Variants in HNF4G observed in about 807,000 individuals in gnomAD.
HNF4G encodes the protein hepatocyte nuclear factor 4-gamma.
HNF4G carries 21 observed loss-of-function variants against 50.9 expected under a neutral mutation model. The observed-to-expected ratio is 0.41, with a 90% confidence interval of 0.29 to 0.59. The LOEUF is 0.59. Ranked by LOEUF, HNF4G falls within the 20% of genes least tolerant of loss-of-function variation. The pLI is 0.26. For missense variants in HNF4G, 527 were observed against 559.4 expected, an observed-to-expected ratio of 0.94 and a Z score of 0.58; for synonymous variants, 198 against 185.6, an observed-to-expected ratio of 1.07 and a Z score of -0.54.
intron 2 of HNF4G, among the ~76,000 whole-genome samples, chr8:75,518,073 G>T (rs894207748): frequency 6.6e-6 from 1 of 150,766 alleles, no homozygotes; most frequent in Non-Finnish European, 1.5e-5. Flanking sequence ...ATGCCATGTT[G>T]GTGTGCTGCA....
intron 1 of HNF4G, among the ~76,000 whole-genome samples, chr8:75,435,757 C>A (rs141380620): frequency 0.017 from 2,626 of 152,154 alleles, 82 homozygotes; most frequent in African/African-American, 0.058. Context: ...CCACACCCAG[C>A]TAATTTTTGT....
At chr8:75,524,028 T>C (rs577371301) in intron 2 of HNF4G, among the ~76,000 whole-genome samples, 37 of 53,688 alleles carry the variant, frequency 6.9e-4, no homozygotes, top group African/African-American at 2.7e-3. Context: ...TATATACTTA[T>C]TATATAGATA....
intron 2 of HNF4G, among the ~76,000 whole-genome samples, chr8:75,510,743 G>T (rs746614006): frequency 6.6e-6 from 1 of 151,976 alleles, no homozygotes; most frequent in African/African-American, 2.4e-5. Flanking sequence ...TGATGTTTGC[G>T]CAACAATGAA....
intron 6 of HNF4G, 41 bp from the exon 7 acceptor site, chr8:75,558,477 T>A (rs756879580): frequency 6.4e-7 from 1 of 1,571,948 alleles, no homozygotes; most frequent in Non-Finnish European, 8.7e-7. Context: ...GGGAGACAGG[T>A]GGTTATTTTG....
chr8:75,531,040 C>T (rs1281036385), intron 2 of HNF4G, among the ~76,000 whole-genome samples: 3 of 151,986 alleles, frequency 2.0e-5, no homozygotes, highest in East Asian at 1.9e-4. Flanking sequence ...GTGATCCATC[C>T]GCCTTGGCCT....
chr8:75,415,504 T>C (rs944989370), intron 1 of HNF4G, among the ~76,000 whole-genome samples: 4 of 152,220 alleles, frequency 2.6e-5, no homozygotes, highest in Admixed American at 1.3e-4. Flanking sequence ...GTAGCCTGAA[T>C]ATAAAGACTT....
intron 1 of HNF4G, 26 bp from the exon 2 acceptor site, chr8:75,543,785 C>A: frequency 6.3e-7 from 1 of 1,591,940 alleles, no homozygotes; most frequent in Non-Finnish European, 8.6e-7. Context: ...CTAACTCTAA[C>A]TGTAATCTTC....
intron 1 of HNF4G, among the ~76,000 whole-genome samples, chr8:75,440,256 G>A (rs1811246006): frequency 6.6e-6 from 1 of 152,136 alleles, no homozygotes; most frequent in South Asian, 2.1e-4. Flanking sequence ...AGCTGTATTT[G>A]TTCTGTGAGT....
At chr8:75,475,870 G>A (rs13258152) in intron 1 of HNF4G, among the ~76,000 whole-genome samples, 54,227 of 151,928 alleles carry the variant, frequency 0.36, 10,919 homozygotes, top group African/African-American at 0.56. Flanking sequence ...ATTTGTATGC[G>A]ACAATAACGT....
chr8:75,448,841 T>C (rs1439834973), intron 1 of HNF4G, among the ~76,000 whole-genome samples: 1 of 152,060 alleles, frequency 6.6e-6, no homozygotes, highest in Admixed American at 6.6e-5. Flanking sequence ...TAGGACTATA[T>C]CAGAATTATA....
chr8:75,494,580 CAT>C (rs1013955663), intron 2 of HNF4G, among the ~76,000 whole-genome samples: 1 of 151,984 alleles, frequency 6.6e-6, no homozygotes, highest in African/African-American at 2.4e-5. Flanking sequence ...TATTATGAAT[CAT>C]GTGCATTTAG....
At chr8:75,447,582 A>G (rs947609211) in intron 1 of HNF4G, among the ~76,000 whole-genome samples, 1 of 151,188 alleles carries the variant, frequency 6.6e-6, no homozygotes, top group African/African-American at 2.4e-5. Flanking sequence ...AAACAAATTT[A>G]CAAGAAAAAA....
At chr8:75,553,592 A>C (rs1417899888) in intron 5 of HNF4G, among the ~76,000 whole-genome samples, 1 of 150,568 alleles carries the variant, frequency 6.6e-6, no homozygotes, top group Non-Finnish European at 1.5e-5. Context: ...GCTATATAAA[A>C]CTCCTCAGAA....
At chr8:75,534,608 A>G (rs962212652) in intron 2 of HNF4G, among the ~76,000 whole-genome samples, 1 of 151,930 alleles carries the variant, frequency 6.6e-6, no homozygotes, top group Non-Finnish European at 1.5e-5. Context: ...AAATAAATAT[A>G]AATAGTTCAG....
chr8:75,540,851 ATGTG>A (rs56799230), intron 1 of HNF4G, among the ~76,000 whole-genome samples: 82 of 146,466 alleles, frequency 5.6e-4, no homozygotes, highest in South Asian at 1.3e-3. Flanking sequence ...GAAAATGTGT[ATGTG>A]TGTGTGTGTG....
intron 1 of HNF4G, among the ~76,000 whole-genome samples, chr8:75,488,407 G>A (rs986749838): frequency 4.6e-5 from 7 of 151,972 alleles, no homozygotes; most frequent in South Asian, 2.1e-4. Context: ...CTGAGTTGCC[G>A]GGACTACAGG....
At chr8:75,529,553 C>G (rs1180539101) in intron 2 of HNF4G, among the ~76,000 whole-genome samples, 1 of 152,074 alleles carries the variant, frequency 6.6e-6, no homozygotes, top group African/African-American at 2.4e-5. Flanking sequence ...GGTAGGGTAC[C>G]ATTTTCTATG....
At chr8:75,426,863 G>C (rs946212514) in intron 1 of HNF4G, among the ~76,000 whole-genome samples, 2 of 152,248 alleles carry the variant, frequency 1.3e-5, no homozygotes, top group Non-Finnish European at 2.9e-5. Context: ...TATTACAGTC[G>C]CTTGTTAAAA....
At chr8:75,540,845 A>ATGAGTATG (rs1806598692) in intron 1 of HNF4G, among the ~76,000 whole-genome samples, 2 of 93,258 alleles carry the variant, frequency 2.1e-5, no homozygotes, top group African/African-American at 1.0e-4. Context: ...ACTTTGGAAA[A>ATGAGTATG]TGTGTATGTG....
Sources: gnomAD v4.1 joint callset for allele counts (sites outside exome capture counted in the v4.1 genomes callset) on GRCh38, gnomAD v4.1.1 for gene constraint, MANE v1.5 for transcripts, NCBI Gene and HGNC (gene_info 2026-07-23, HGNC 2026-07-21) for gene names.